C13orf42: variants seen among roughly 807,000 people sequenced by gnomAD.
The protein encoded by C13orf42 is chromosome 13 open reading frame 42, also known as uncharacterized protein C13orf42.
chr13:51,127,162 G>C (rs1953583644), intron 1 of C13orf42, among the ~76,000 whole-genome samples: 1 of 152,014 alleles, frequency 6.6e-6, no homozygotes, highest in African/African-American at 2.4e-5. Context: ...GCAAGACTGT[G>C]TCTTAAAAAA....
chr13:51,133,006 T>C (rs542462963), intron 1 of C13orf42, among the ~76,000 whole-genome samples: 1 of 152,276 alleles, frequency 6.6e-6, no homozygotes, highest in South Asian at 2.1e-4. Flanking sequence ...CAGGAAGTTA[T>C]ACTATATGGT....
At chr13:51,116,178 C>T (rs1953489930), upstream of C13orf42, among the ~76,000 whole-genome samples, 1 of 152,174 alleles carries the variant, frequency 6.6e-6, no homozygotes, top group African/African-American at 2.4e-5. Context: ...GGACTATATC[C>T]TCCTTTAGAA....
At chr13:51,161,058 C>T (rs1468914055) in intron 1 of C13orf42, among the ~76,000 whole-genome samples, 1 of 137,458 alleles carries the variant, frequency 7.3e-6, no homozygotes, top group East Asian at 2.4e-4. Context: ...GAGAGTTCCA[C>T]ACTGCTGTGG....
chr13:51,126,677 G>A (rs1055334229), intron 1 of C13orf42, among the ~76,000 whole-genome samples: 2 of 152,186 alleles, frequency 1.3e-5, no homozygotes, highest in South Asian at 4.1e-4. Flanking sequence ...GTTGTCCTGG[G>A]CTGGGAAGTG....
intron 1 of C13orf42, among the ~76,000 whole-genome samples, chr13:51,164,431 G>A (rs754368013): frequency 6.6e-6 from 1 of 152,204 alleles, no homozygotes; most frequent in Non-Finnish European, 1.5e-5. Flanking sequence ...GGAAGTTGAC[G>A]CGGGAGGATC....
chr13:51,172,347 A>G lies in C13orf42; in HGVS notation n.42T>C, dbSNP rs556897813. Reference sequence around the variant, plus strand: ...CTCGGCTTAGCGGCTGAAGACTGACACTGCCGGATCACCTCGGAAGCCCCC... The same window carrying G: ...CTCGGCTTAGCGGCTGAAGACTGACGCTGCCGGATCACCTCGGAAGCCCCC... On this transcript the variant is annotated non_coding_transcript_exon_variant, in exon 1 of 5. Transcript: ENST00000433280. 5 of 152,024 alleles carry G rather than the reference A, an allele frequency of 3.3e-5. No homozygotes were observed. The East Asian group carries it at 7.7e-4, about 23-fold the overall frequency. The allele number at this position is 152,024 out of a possible 1,614,324, so 9.4% of individuals were successfully genotyped here.
chr13:51,084,396 A>G (rs1953099869), intron 3 of C13orf42, 71 bp from the exon 4 acceptor site: 5 of 397,616 alleles, frequency 1.3e-5, no homozygotes. Context: ...GGGATGCTCA[A>G]TGACCACCAT....
At chr13:51,146,084 A>C (rs1433866604) in intron 1 of C13orf42, among the ~76,000 whole-genome samples, 3 of 152,264 alleles carry the variant, frequency 2.0e-5, no homozygotes, top group Non-Finnish European at 4.4e-5. Context: ...TGTGTTGTAC[A>C]TTTAAACATT....
intron 1 of C13orf42, among the ~76,000 whole-genome samples, chr13:51,123,841 C>T (rs1953555517): frequency 6.6e-6 from 1 of 152,190 alleles, no homozygotes; most frequent in Admixed American, 6.5e-5. Flanking sequence ...AACCTCTAAA[C>T]AGTCCTTGTT....
At chr13:51,139,246 C>T (rs1256414442) in intron 1 of C13orf42, among the ~76,000 whole-genome samples, 1 of 151,954 alleles carries the variant, frequency 6.6e-6, no homozygotes, top group Non-Finnish European at 1.5e-5. Context: ...ACCTGGGAGG[C>T]GGAGGTTGCA....
chr13:51,157,761 AG>A (rs1953835859), intron 1 of C13orf42, among the ~76,000 whole-genome samples: 1 of 152,254 alleles, frequency 6.6e-6, no homozygotes, highest in South Asian at 2.1e-4. Flanking sequence ...TAAATAAAGC[AG>A]GGTCAACAGA....
intron 1 of C13orf42, among the ~76,000 whole-genome samples, chr13:51,092,005 C>G (rs1013892117): frequency 6.6e-6 from 1 of 152,178 alleles, no homozygotes; most frequent in Non-Finnish European, 1.5e-5. Context: ...CCCTGCTGCT[C>G]TCTCCTATTG....
At chr13:51,115,758 G>T (rs1953485181), upstream of C13orf42, among the ~76,000 whole-genome samples, 1 of 152,112 alleles carries the variant, frequency 6.6e-6, no homozygotes, top group South Asian at 2.1e-4. Context: ...TTGAATGAAG[G>T]GTAAGATTAC....
intron 2 of C13orf42, among the ~76,000 whole-genome samples, chr13:51,086,003 C>T (rs149017484): frequency 0.037 from 5,667 of 151,864 alleles, 341 homozygotes; most frequent in African/African-American, 0.13. Context: ...GATGACAGAG[C>T]GAGACTCCGT....
intron 1 of C13orf42, among the ~76,000 whole-genome samples, chr13:51,171,123 G>A (rs940070345): frequency 1.3e-5 from 2 of 151,860 alleles, no homozygotes; most frequent in Non-Finnish European, 2.9e-5. Context: ...CTTCACTATG[G>A]GTAAGCTTCC....
intron 1 of C13orf42, among the ~76,000 whole-genome samples, chr13:51,137,725 G>A (rs1953668470): frequency 6.6e-6 from 1 of 151,922 alleles, no homozygotes; most frequent in Admixed American, 6.6e-5. Flanking sequence ...TACAAAACTA[G>A]TATGTATCCA....
intron 1 of C13orf42, among the ~76,000 whole-genome samples, chr13:51,127,058 T>A (rs1020441992): frequency 6.6e-6 from 1 of 152,064 alleles, no homozygotes; most frequent in South Asian, 2.1e-4. Context: ...TCCCAGCTAC[T>A]CAGGAAGCTC....
chr13:51,091,643 C>T (rs1186886776), intron 1 of C13orf42, among the ~76,000 whole-genome samples: 1 of 152,090 alleles, frequency 6.6e-6, no homozygotes, highest in Non-Finnish European at 1.5e-5. Flanking sequence ...TGCCCTTTTC[C>T]TAAACCAATT....
At chr13:51,090,497 T>G (rs1224874460) in intron 1 of C13orf42, among the ~76,000 whole-genome samples, 3 of 152,202 alleles carry the variant, frequency 2.0e-5, no homozygotes, top group African/African-American at 7.2e-5. Flanking sequence ...ATGGTGGTTT[T>G]GCACCTCAAA....
Sources: gnomAD v4.1 joint callset for allele counts (sites outside exome capture counted in the v4.1 genomes callset) on GRCh38, gnomAD v4.1.1 for gene constraint, MANE v1.5 for transcripts, NCBI Gene and HGNC (gene_info 2026-07-23, HGNC 2026-07-21) for gene names.